Variants in SCN4A observed in about 807,000 individuals in gnomAD.
SCN4A encodes sodium voltage-gated channel alpha subunit 4.
In SCN4A, 83 loss-of-function variants were observed where a neutral mutation model predicts 162.0. The observed-to-expected ratio is 0.51, with a 90% CI of 0.43 to 0.61. The LOEUF is 0.61. Among genes scored for constraint, SCN4A ranks in the 20% least tolerant of loss-of-function variants. The pLI is 0.00. For missense variants in SCN4A, 2,196 were observed against 2,462.5 expected, an observed-to-expected ratio of 0.89 and a Z score of 2.29; for synonymous variants, 944 against 985.1, an observed-to-expected ratio of 0.96 and a Z score of 0.78.
chr17:63,966,373 C>T (rs1295289609), intron 7 of SCN4A, 108 bp downstream of exon 7: 3 of 1,407,216 alleles, frequency 2.1e-6, no homozygotes, highest in Non-Finnish European at 3.0e-6. Context: ...TCCATCCATG[C>T]CCACAGGTTT....
intron 13 of SCN4A, among the ~76,000 whole-genome samples, chr17:63,954,179 G>A (rs929702763): frequency 6.6e-6 from 1 of 152,174 alleles, no homozygotes; most frequent in Non-Finnish European, 1.5e-5. Flanking sequence ...AGGTCTTCTC[G>A]TCATTGTCTT....
Position 63,940,856 on chromosome 17 carries a change from G to C in SCN4A, c.5426C>G (p.Pro1809Arg), listed in dbSNP as rs780387749. 4.3e-6 allele frequency: 7 copies of C among 1,612,258 alleles called. No individual in the cohort carries two copies. The highest frequency in any genetic ancestry group is 2.2e-5 in the East Asian group (1 of 44,868). The change falls in exon 24 of 24, where the codon CCC (proline) becomes CGC (arginine). Residue 1809 changes from proline (P) to arginine (R), a missense_variant. Transcript: ENST00000435607. Reference protein sequence around the residue: ...GDAGPTMGLMPISPSDTAWPP... With the variant: ...GDAGPTMGLMRISPSDTAWPP... ...CCAGGCAGTGTCTGAGGGGCTGATG[G>C]GCATCAGCCCCATAGTGGGTCCGGC...
chr17:63,970,697 G>A (rs1227200899), intron 5 of SCN4A, among the ~76,000 whole-genome samples: 2 of 151,878 alleles, frequency 1.3e-5, no homozygotes, highest in Non-Finnish European at 2.9e-5. Context: ...GCAGTGGCGT[G>A]ATCTCGGCTG....
chr17:63,951,974 G>T lies in SCN4A; in HGVS notation c.2377-74C>A. ...AGGGTGCCACCTTCAGCCAGCACAG[G>T]GGTCCTCGGTCTACAGATCCAAACT... On this transcript the variant is annotated intron_variant, in intron 13 of 23. Coordinates refer to ENST00000435607, the MANE Select transcript of SCN4A (RefSeq NM_000334.4). This position sits in a 1 kb window ranked among gnomAD's most constrained non-coding sequence, Gnocchi z 4.5. 3.4e-6 allele frequency: 3 copies of T among 886,320 alleles called. No homozygotes were observed. The highest frequency in any genetic ancestry group is 2.7e-5 in the Admixed American group (1 of 37,122). 54.9% of individuals were successfully genotyped at this position (886,320 alleles called of 1,614,324 possible).
intron 9 of SCN4A, 33 bp from the exon 10 acceptor site, chr17:63,963,858 C>A (rs1169476454): frequency 6.4e-7 from 1 of 1,568,572 alleles, no homozygotes; most frequent in Non-Finnish European, 8.6e-7. Context: ...GGCAGGAAGT[C>A]CAGCTCTGAG....
In SCN4A at chr17:63,943,863, A is replaced by G. The variant is rs774653609; in HGVS notation, c.3913-13T>C. 1 of 1,549,444 alleles carries G rather than the reference A, an allele frequency of 6.5e-7. No individual in the cohort carries two copies. Among genetic ancestry groups the G allele is most frequent in the South Asian group, 1.1e-5 (1 of 89,680 alleles). ...CTTTCCCCCCTAAGTATAGTGGGATAGGGCTTGTCAGGTTGAGGTGCAGTT... is the reference window on the plus strand; with the variant it reads ...CTTTCCCCCCTAAGTATAGTGGGATGGGGCTTGTCAGGTTGAGGTGCAGTT... On this transcript the variant is annotated splice_polypyrimidine_tract_variant and intron_variant, in intron 21 of 23. Transcript: ENST00000435607.
Position 63,951,576 on chromosome 17 carries a change from C to T in SCN4A, c.2701G>A (p.Asp901Asn), listed in dbSNP as rs1481454028. 1 of 1,613,992 alleles carries T rather than the reference C, an allele frequency of 6.2e-7. No individual in the cohort carries two copies. Among genetic ancestry groups the T allele is most frequent in the South Asian group, 1.1e-5 (1 of 91,086 alleles). ...AGCTCGAGGCTGGATGGGGGGCCGT[C>T]AGCCAGGCCCATGTGGTTCAGGATG... is the stretch of plus-strand genomic sequence containing the variant. ...NHILNHMGLADGPPSSLELDH... is the reference protein window; with the variant it reads ...NHILNHMGLANGPPSSLELDH... Residue 901 changes from aspartate to asparagine, a missense_variant, in exon 14 of 24, where the codon GAC (aspartate) becomes AAC (asparagine). By Grantham distance (23) the Asp-to-Asn change is conservative. Transcript: ENST00000435607. This position sits in a 1 kb window ranked among gnomAD's most constrained non-coding sequence, Gnocchi z 4.5.
chr17:63,961,455 A>G (rs760027691), intron 10 of SCN4A, 24 bp from the exon 11 acceptor site: 14 of 1,561,116 alleles, frequency 9.0e-6, no homozygotes, highest in Admixed American at 1.7e-5. Context: ...GGTAGCAGGT[A>G]TCTGGTGAGG....
rs374337084 is a variant in SCN4A, at chr17:63,941,404, C to T, written c.4878G>A (p.Lys1626=). 24 of 1,613,906 alleles carry T rather than the reference C, an allele frequency of 1.5e-5. No homozygotes were observed. The highest frequency in any genetic ancestry group is 2.2e-5 in the South Asian group (2 of 91,064). The change falls in exon 24 of 24, where the codon AAG becomes AAA. Residue 1626 remains lysine, a synonymous_variant. Coordinates refer to ENST00000435607, the MANE Select transcript of SCN4A (RefSeq NM_000334.4). This position sits in a 1 kb window ranked among gnomAD's most constrained non-coding sequence, Gnocchi z 6.2. The stretch of plus-strand genomic sequence containing the variant: ...TGAACTGGGTGGCGTCGGGGTCGAA[C>T]TTCTCCCATGTCTCGTAGAACATCT... ...DFEMFYETWE[K]FDPDATQFIA...
At chr17:63,962,156 C>T (rs538006307) in intron 10 of SCN4A, among the ~76,000 whole-genome samples, 1 of 152,308 alleles carries the variant, frequency 6.6e-6, no homozygotes, top group Admixed American at 6.5e-5. Flanking sequence ...GGGCTGCGAG[C>T]CTGGCCTGTG....
rs150896321 is a variant in SCN4A at position 63,947,213 on chromosome 17, C to T, written c.3319-46G>A. ...GATCAGTGCGTGCAAGGCCCCCAGCCTCCCCTCAAGCCCAGGCCACGGGGG... is the reference window on the plus strand; with the variant it reads ...GATCAGTGCGTGCAAGGCCCCCAGCTTCCCCTCAAGCCCAGGCCACGGGGG... On this transcript the variant is annotated intron_variant, in intron 17 of 23. Coordinates refer to ENST00000435607, the MANE Select transcript of SCN4A (RefSeq NM_000334.4). The T allele has an allele frequency of 5.2e-4, 832 of 1,609,908 alleles. 5 individuals are homozygous for T. The African/African-American group carries it at 1.0e-2, about 19-fold the overall frequency.
rs764312863 is a variant in SCN4A at position 63,961,354 on chromosome 17, C to T, written c.1684G>A (p.Ala562Thr). The T allele has an allele frequency of 2.5e-6, 4 of 1,613,850 alleles. No homozygotes were observed. Among genetic ancestry groups the T allele is most frequent in the South Asian group, 2.2e-5 (2 of 91,086 alleles). The change falls in exon 11 of 24, where the codon GCC becomes ACC. Residue 562 changes from alanine to threonine, a missense_variant. Physicochemically the swap from Ala to Thr is moderately conservative, Grantham distance 58. Transcript: ENST00000435607. ...AHKVLIWNCC[A>T]PWLKFKNIIH... ...ATGTTCTTGAACTTCAGCCACGGGG[C>T]GCAGCAGTTCCATATGAGCACTTTG... is the stretch of plus-strand genomic sequence containing the variant.
intron 13 of SCN4A, among the ~76,000 whole-genome samples, chr17:63,953,681 T>C (rs1023420431): frequency 2.6e-4 from 36 of 136,934 alleles, no homozygotes; most frequent in African/African-American, 1.0e-3. Flanking sequence ...GACCCTGCCT[T>C]GAAGAAAAAA....
At chr17:63,953,955 A>C (rs998218977) in intron 13 of SCN4A, among the ~76,000 whole-genome samples, 1 of 152,266 alleles carries the variant, frequency 6.6e-6, no homozygotes, top group South Asian at 2.1e-4. Flanking sequence ...CCTTCCTTCT[A>C]CCAGTCTGCC....
chr17:63,962,190 CGA>C (rs1478805890), intron 10 of SCN4A, among the ~76,000 whole-genome samples: 3 of 152,200 alleles, frequency 2.0e-5, no homozygotes, highest in Admixed American at 2.0e-4. Context: ...TGTCTGGGTC[CGA>C]GTTCCCAGGG....
chr17:63,947,532 T>C (rs185351471), intron 17 of SCN4A, among the ~76,000 whole-genome samples: 1 of 152,252 alleles, frequency 6.6e-6, no homozygotes, highest in African/African-American at 2.4e-5. Context: ...GGTAGGAGGA[T>C]TGCTTGAGCC....
In SCN4A at chr17:63,950,495, G is replaced by C. The variant is rs1354854930; in HGVS notation, c.2853+929C>G. Among the ~76,000 whole-genome samples the C allele has an allele frequency of 6.6e-6, 1 of 152,204 alleles. No homozygotes were observed. Among genetic ancestry groups the C allele is most frequent in the Non-Finnish European group, 1.5e-5 (1 of 68,038 alleles). On this transcript the variant is annotated intron_variant, in intron 14 of 23. Transcript: ENST00000435607. This position sits in a 1 kb window ranked among gnomAD's most constrained non-coding sequence, Gnocchi z 4.6. Reference sequence around the variant, plus strand: ...GTGCTCTCCAGCTCCCCCGCCACCTGAGTGCCTCATACCGAGGTCTGTGCC... The same window carrying C: ...GTGCTCTCCAGCTCCCCCGCCACCTCAGTGCCTCATACCGAGGTCTGTGCC...
Position 63,949,459 on chromosome 17 carries a change from C to CCTCGGGGGGCTTGTAGTCAGCTG in SCN4A, c.2900_2922dup (p.Glu975GlnfsTer74). On this transcript the variant is annotated frameshift_variant, in exon 15 of 24. Transcript: ENST00000435607. LOFTEE classifies it high-confidence loss of function. The stretch of plus-strand genomic sequence containing the variant: ...TCCTCTGCCTGCTCCTCAGGGTCCT[C>CCTCGGGGGGCTTGTAGTCAGCTG]CTCGGGGGGCTTGTAGTCAGCTGTG... 1 of 1,610,988 alleles carries CCTCGGGGGGCTTGTAGTCAGCTG rather than the reference C, an allele frequency of 6.2e-7. No homozygotes were observed. Among genetic ancestry groups the CCTCGGGGGGCTTGTAGTCAGCTG allele is most frequent in the Non-Finnish European group, 8.5e-7 (1 of 1,178,540 alleles).
At chr17:63,965,678 G>A (rs1021243504) in intron 8 of SCN4A, among the ~76,000 whole-genome samples, 5 of 151,856 alleles carry the variant, frequency 3.3e-5, no homozygotes, top group Non-Finnish European at 7.4e-5. Context: ...TAGTAGAGAT[G>A]GGGTTTCACT....
Sources: allele counts gnomAD v4.1 joint callset (sites outside exome capture counted in the v4.1 genomes callset), GRCh38; gene constraint gnomAD v4.1.1; non-coding constraint Gnocchi (gnomAD v3.1); transcripts MANE v1.5; gene names NCBI Gene and HGNC (gene_info 2026-07-23, HGNC 2026-07-21).